The following MLLT1 variants were observed in gnomAD, a reference collection of about 807,000 sequenced individuals.
The protein encoded by MLLT1 is MLLT1 super elongation complex subunit.
MLLT1 carries 11 observed loss-of-function variants against 55.1 expected under a neutral mutation model. The ratio of observed to expected loss-of-function variants is 0.20; its 90% CI spans 0.13 to 0.33. MLLT1 has a LOEUF of 0.33. MLLT1 is among the 10% of genes least tolerant of loss of function. The probability of loss-of-function intolerance (pLI) is 1.00; values close to 1 mark genes in which losing one functional copy is unlikely to be tolerated. For synonymous variants in MLLT1, 323 were observed against 320.1 expected, an observed-to-expected ratio of 1.01 and a Z score of -0.10; for missense variants, 536 against 760.6, an observed-to-expected ratio of 0.70 and a Z score of 3.47.
In MLLT1 at chr19:6,264,500, G is replaced by A. The variant is rs149009942; in HGVS notation, c.194-2190C>T. Among the ~76,000 whole-genome samples, 445 of 151,744 alleles carry A rather than the reference G, an allele frequency of 2.9e-3. 3 individuals carry two copies. The East Asian group carries it at 0.042, about 14-fold the overall frequency. ...AGAGCCCGAGCAAACAAATAATTTG[G>A]AGACCACAGAGAGTTTGACAAAAAG... On this transcript the variant is annotated intron_variant, in intron 2 of 11. Coordinates refer to ENST00000252674, the MANE Select transcript of MLLT1 (RefSeq NM_005934.4).
chr19:6,252,732 A>T (rs1386257029), intron 3 of MLLT1, among the ~76,000 whole-genome samples: 2 of 152,204 alleles, frequency 1.3e-5, no homozygotes, highest in Non-Finnish European at 2.9e-5. Context: ...TAAAATACGC[A>T]ATAAAAGGCA....
At position 6,213,014 on chromosome 19, in the gene MLLT1, C is replaced by T. The variant is rs751471718; in HGVS notation, c.*28G>A. 1.2e-5 allele frequency: 20 copies of T among 1,609,706 alleles called. No individual in the cohort carries two copies. In the East Asian group the frequency reaches 3.3e-4, roughly 27 times the overall value. ...TGGCTGCAGCCTCCCAGGACCCCGG[C>T]GGTGGGGGCCCGGCACGCGGCCCAG... On this transcript the variant is annotated 3_prime_UTR_variant, in exon 12 of 12. Coordinates refer to ENST00000252674, the MANE Select transcript of MLLT1 (RefSeq NM_005934.4).
Position 6,243,771 on chromosome 19 carries a change from C to T in MLLT1, c.277-13058G>A, listed in dbSNP as rs191586998. Among the ~76,000 whole-genome samples, 205 of 152,208 alleles carry T rather than the reference C, an allele frequency of 1.3e-3. 1 individual carries two copies. Among genetic ancestry groups the T allele is most frequent in the Middle Eastern group, 6.8e-3 (2 of 292 alleles). ...TAAGAAGAAGTCAATCGGCCGGGCA[C>T]GGTGGCTCACGCCTGTAATCCCAGC... On this transcript the variant is annotated intron_variant, in intron 3 of 11. Coordinates refer to ENST00000252674, the MANE Select transcript of MLLT1 (RefSeq NM_005934.4).
chr19:6,212,411 C>T lies in MLLT1; in HGVS notation c.*631G>A. ...AACCTACAAGCCCCACCGTACGCACCCCCCACCCACCCCACGTGCACTGCT... is the reference window on the plus strand; with the variant it reads ...AACCTACAAGCCCCACCGTACGCACTCCCCACCCACCCCACGTGCACTGCT... On this transcript the variant is annotated 3_prime_UTR_variant, in exon 12 of 12. Coordinates refer to ENST00000252674, the MANE Select transcript of MLLT1 (RefSeq NM_005934.4). 2 of 1,065,762 alleles carry T rather than the reference C, an allele frequency of 1.9e-6. No individual in the cohort carries two copies. The highest frequency in any genetic ancestry group is 5.3e-5 in the Admixed American group (1 of 18,778). 66.0% of individuals were successfully genotyped at this position (1,065,762 alleles called of 1,614,324 possible).
Position 6,222,789 on chromosome 19 carries a change from G to T in MLLT1, c.547-105C>A. On this transcript the variant is annotated intron_variant, in intron 5 of 11. Coordinates refer to ENST00000252674, the MANE Select transcript of MLLT1 (RefSeq NM_005934.4). This position sits in a 1 kb window ranked among gnomAD's most constrained non-coding sequence, Gnocchi z 4.1. Reference sequence around the variant, plus strand: ...GACCCCTACAAAGCATAATCCACCTGATTCAGCCTCAGCTAGAGAAACTCT... The same window carrying T: ...GACCCCTACAAAGCATAATCCACCTTATTCAGCCTCAGCTAGAGAAACTCT... 1 of 902,474 alleles carries T rather than the reference G, an allele frequency of 1.1e-6. No homozygotes were observed. Among genetic ancestry groups the T allele is most frequent in the Non-Finnish European group, 1.6e-6 (1 of 641,264 alleles). The allele number at this position is 902,474 out of a possible 1,614,324, so 55.9% of individuals were successfully genotyped here.
rs1201789438 is a variant in MLLT1 at position 6,226,314 on chromosome 19, G to A, written c.546+663C>T. ...TACAGAGGACTGGGGCGTGCTCAGG[G>A]GTTAAAGGGACACTGTGATGCCATC... On this transcript the variant is annotated intron_variant, in intron 5 of 11. Transcript: ENST00000252674. This position sits in a 1 kb window ranked among gnomAD's most constrained non-coding sequence, Gnocchi z 6.3. Among the ~76,000 whole-genome samples, 1 of 152,220 alleles carries A rather than the reference G, an allele frequency of 6.6e-6. No homozygotes were observed. Among genetic ancestry groups the A allele is most frequent in the African/African-American group, 2.4e-5 (1 of 41,440 alleles).
At position 6,270,506 on chromosome 19, in the gene MLLT1, T is replaced by G. The variant is rs1600219661; in HGVS notation, c.193+73A>C. On this transcript the variant is annotated intron_variant, in intron 2 of 11. Coordinates refer to ENST00000252674, the MANE Select transcript of MLLT1 (RefSeq NM_005934.4). The surrounding 1 kb of genome is among the most constrained non-coding windows in gnomAD (Gnocchi z 7.1). ...GGTCCTGCTGCTCCTGAGGGAGGGGTGGAGCCTGGCCTTGGGAGGAGTGAA... is the reference window on the plus strand; with the variant it reads ...GGTCCTGCTGCTCCTGAGGGAGGGGGGGAGCCTGGCCTTGGGAGGAGTGAA... 6.8e-7 allele frequency: 1 copy of G among 1,477,930 alleles called. No homozygotes were observed. The highest frequency in any genetic ancestry group is 2.4e-5 in the East Asian group (1 of 41,884). The allele number at this position is 1,477,930 out of a possible 1,614,324, so 91.6% of individuals were successfully genotyped here.
At position 6,216,452 on chromosome 19, in the gene MLLT1, C is replaced by A; in HGVS notation, c.1260G>T (p.Ser420=). 1 of 1,610,160 alleles carries A rather than the reference C, an allele frequency of 6.2e-7. No homozygotes were observed. Among genetic ancestry groups the A allele is most frequent in the Non-Finnish European group, 8.5e-7 (1 of 1,179,016 alleles). The change falls in exon 8 of 12, where the codon TCG becomes TCT. Residue 420 remains serine (S), a synonymous_variant. Coordinates refer to ENST00000252674, the MANE Select transcript of MLLT1 (RefSeq NM_005934.4). Reference sequence around the variant, plus strand: ...TCTTGCCGGCAGCCTCCTCGCCTGACGAAGAGTCGTCCTCGTCGGACTCCT... The same window carrying A: ...TCTTGCCGGCAGCCTCCTCGCCTGAAGAAGAGTCGTCCTCGTCGGACTCCT... The part of the protein sequence containing the change: ...QSEESDEDDS[S]SGEEAAGKTN...
chr19:6,278,634 C>G (rs1015890208), intron 1 of MLLT1, among the ~76,000 whole-genome samples: 3 of 152,148 alleles, frequency 2.0e-5, no homozygotes, highest in Admixed American at 1.3e-4. Context: ...ACGTGACCAA[C>G]CAGCCTGGGA....
Position 6,211,818 on chromosome 19 carries a change from G to A in MLLT1, c.*1224C>T. 1 of 1,064,078 alleles carries A rather than the reference G, an allele frequency of 9.4e-7. No individual in the cohort carries two copies. The highest frequency in any genetic ancestry group is 1.1e-6 in the Non-Finnish European group (1 of 878,454). The allele number at this position is 1,064,078 out of a possible 1,614,324, so 65.9% of individuals were successfully genotyped here. A position where few individuals can be genotyped will look rare whatever the true frequency, so the allele number is the denominator to read the frequency against. On this transcript the variant is annotated 3_prime_UTR_variant, in exon 12 of 12. Coordinates refer to ENST00000252674, the MANE Select transcript of MLLT1 (RefSeq NM_005934.4). This position sits in a 1 kb window ranked among gnomAD's most constrained non-coding sequence, Gnocchi z 4.6. ...AAGAGTGGGCCGGGAAGGAGGACCG[G>A]CTTGGCCCCTGGAGAATCTCAGGCA...
chr19:6,238,765 G>A (rs976750290), intron 3 of MLLT1, among the ~76,000 whole-genome samples: 12 of 150,798 alleles, frequency 8.0e-5, no homozygotes, highest in Admixed American at 3.9e-4. Context: ...CACCTTCTCC[G>A]CCAGGGCCTT....
Position 6,222,560 on chromosome 19 carries a change from T to C in MLLT1, c.671A>G (p.Lys224Arg), listed in dbSNP as rs772267857. The change falls in exon 6 of 12, where the codon AAA becomes AGA. Residue 224 changes from lysine to arginine, a missense_variant. Coordinates refer to ENST00000252674, the MANE Select transcript of MLLT1 (RefSeq NM_005934.4). This position sits in a 1 kb window ranked among gnomAD's most constrained non-coding sequence, Gnocchi z 4.1. ...CTTCCGCGAGGTGTCCTTGGAGCTTTTGGCCTGCTCACGCTCCAGCTCCTT... is the reference window on the plus strand; with the variant it reads ...CTTCCGCGAGGTGTCCTTGGAGCTTCTGGCCTGCTCACGCTCCAGCTCCTT... ...SSKELEREQAKSSKDTSRKLG... is the reference protein window; with the variant it reads ...SSKELEREQARSSKDTSRKLG... 9 of 1,601,106 alleles carry C rather than the reference T, an allele frequency of 5.6e-6. No individual in the cohort carries two copies. In the South Asian group the frequency reaches 6.6e-5, roughly 12 times the overall value.
intron 3 of MLLT1, among the ~76,000 whole-genome samples, chr19:6,252,258 C>A (rs2091222364): frequency 1.3e-5 from 2 of 152,222 alleles, no homozygotes; most frequent in Non-Finnish European, 2.9e-5. Flanking sequence ...CTCAGACTGA[C>A]AATTACAGCA....
intron 2 of MLLT1, among the ~76,000 whole-genome samples, chr19:6,264,687 C>G (rs1290519261): frequency 6.6e-6 from 1 of 151,942 alleles, no homozygotes; most frequent in Non-Finnish European, 1.5e-5. Flanking sequence ...GGGAGGATCA[C>G]TTGACACCAG....
At chr19:6,254,425 A>C (rs998070788) in intron 3 of MLLT1, among the ~76,000 whole-genome samples, 2 of 152,244 alleles carry the variant, frequency 1.3e-5, no homozygotes, top group Non-Finnish European at 2.9e-5. Flanking sequence ...GTTGAACATA[A>C]GGAGGGGCAA....
At chr19:6,242,937 C>T (rs539226995) in intron 3 of MLLT1, among the ~76,000 whole-genome samples, 46 of 152,326 alleles carry the variant, frequency 3.0e-4, no homozygotes, top group Non-Finnish European at 4.1e-4. Context: ...TTTTGCCAAG[C>T]ACACCAAGCC....
chr19:6,275,275 G>A (rs1454664085), intron 1 of MLLT1, among the ~76,000 whole-genome samples: 1 of 152,138 alleles, frequency 6.6e-6, no homozygotes, highest in Non-Finnish European at 1.5e-5. Flanking sequence ...CGGAGGCAAC[G>A]ATCCCCTCCC....
At position 6,230,780 on chromosome 19, in the gene MLLT1, T is replaced by A; in HGVS notation, c.277-67A>T. 2 of 1,584,560 alleles carry A rather than the reference T, an allele frequency of 1.3e-6. No homozygotes were observed. The highest frequency in any genetic ancestry group is 2.7e-5 in the African/African-American group (2 of 74,480). On this transcript the variant is annotated intron_variant, in intron 3 of 11. Coordinates refer to ENST00000252674, the MANE Select transcript of MLLT1 (RefSeq NM_005934.4). The surrounding 1 kb of genome is among the most constrained non-coding windows in gnomAD (Gnocchi z 9.0). ...CGTGGTGCAGGGACACAGCTCCCCA[T>A]TGGCCCTGGTCCTCCCCTCTCCCTC...
Position 6,227,146 on chromosome 19 carries a change from A to G in MLLT1, c.421-44T>C, listed in dbSNP as rs1555704645. 6 of 1,563,822 alleles carry G rather than the reference A, an allele frequency of 3.8e-6. No homozygotes were observed. The highest frequency in any genetic ancestry group is 8.6e-7 in the Non-Finnish European group (1 of 1,159,004). ...CAGTCATTATCGATGGGCAGGGGGCAGGGGGCCCACACGGGCCGGGCTGAA... is the reference window on the plus strand; with the variant it reads ...CAGTCATTATCGATGGGCAGGGGGCGGGGGGCCCACACGGGCCGGGCTGAA... On this transcript the variant is annotated intron_variant, in intron 4 of 11. Transcript: ENST00000252674. This position sits in a 1 kb window ranked among gnomAD's most constrained non-coding sequence, Gnocchi z 5.1.
Sources: gnomAD v4.1 joint callset for allele counts (sites outside exome capture counted in the v4.1 genomes callset) on GRCh38, gnomAD v4.1.1 for gene constraint, Gnocchi (gnomAD v3.1) non-coding constraint, MANE v1.5 for transcripts, NCBI Gene and HGNC (gene_info 2026-07-23, HGNC 2026-07-21) for gene names.